Variants in TBCE observed in about 807,000 individuals in gnomAD.
The protein encoded by TBCE is tubulin folding cofactor E, also known as tubulin-specific chaperone E.
A neutral mutation model predicts 77.0 loss-of-function variants in TBCE; 53 were observed. The observed-to-expected ratio is 0.69, with a 90% CI of 0.55 to 0.87. The LOEUF (loss-of-function observed/expected upper bound fraction) is 0.87, where lower values mean the gene tolerates loss of function less well. Among genes scored for constraint, TBCE ranks in the 40% least tolerant of loss-of-function variants. The pLI is 0.00. For synonymous variants in TBCE, 235 were observed against 241.3 expected, an observed-to-expected ratio of 0.97 and a Z score of 0.24; for missense variants, 624 against 622.4, an observed-to-expected ratio of 1.00 and a Z score of -0.03.
rs545901867 is a variant in TBCE, at chr1:235,423,009, T to G, written c.460+3448T>G. Among the ~76,000 whole-genome samples the G allele has an allele frequency of 3.3e-5, 5 of 152,342 alleles. No homozygotes were observed. The East Asian group carries it at 9.6e-4, about 29-fold the overall frequency. The stretch of plus-strand genomic sequence containing the variant: ...TTTCACGAAGATAATCAAGTCATGA[T>G]TGGTATTTGCAGATACAGTGATAAA... On this transcript the variant is annotated intron_variant, in intron 5 of 16. Transcript: ENST00000642610.
rs144210623 is a variant in TBCE, at chr1:235,428,631, C to CTTTATTTATTTATTTATTTATTTA, written c.560+1400_560+1423dup. Among the ~76,000 whole-genome samples, 161 of 147,484 alleles carry CTTTATTTATTTATTTATTTATTTA rather than the reference C, an allele frequency of 1.1e-3. 2 individuals are homozygous for CTTTATTTATTTATTTATTTATTTA. Among genetic ancestry groups the CTTTATTTATTTATTTATTTATTTA allele is most frequent in the Middle Eastern group, 3.4e-3 (1 of 292 alleles). On this transcript the variant is annotated intron_variant, in intron 6 of 16. Coordinates refer to ENST00000642610, the MANE Select transcript of TBCE (RefSeq NM_003193.5). ...AGGACACATTTAATCTTTAAGGACA[C>CTTTATTTATTTATTTATTTATTTA]TTTATTTATTTATTTATTTATTTAT...
chr1:235,438,672 C>T (rs973431371), intron 12 of TBCE, 97 bp from the exon 13 acceptor site: 9 of 1,394,534 alleles, frequency 6.5e-6, no homozygotes, highest in Admixed American at 5.3e-5. Flanking sequence ...TGATTATTTT[C>T]TGCATGTGCT....
intron 7 of TBCE, among the ~76,000 whole-genome samples, chr1:235,432,640 TCTCACC>T (rs1007736507): frequency 2.0e-5 from 3 of 152,054 alleles, no homozygotes; most frequent in African/African-American, 7.2e-5. Context: ...GCAAGACGCA[TCTCACC>T]CTCCAAATAA....
chr1:235,406,669 C>T (rs985310917), intron 3 of TBCE, among the ~76,000 whole-genome samples: 17 of 151,730 alleles, frequency 1.1e-4, no homozygotes, highest in African/African-American at 3.9e-4. Flanking sequence ...GTAGCTGGGA[C>T]TACAGGCGCC....
intron 6 of TBCE, among the ~76,000 whole-genome samples, chr1:235,428,926 C>A (rs1283965557): frequency 6.7e-6 from 1 of 149,170 alleles, no homozygotes; most frequent in Non-Finnish European, 1.5e-5. Flanking sequence ...ACAGTGTGAG[C>A]CACTGTGCCC....
At chr1:235,407,177 A>G (rs1426053086) in intron 3 of TBCE, among the ~76,000 whole-genome samples, 1 of 142,582 alleles carries the variant, frequency 7.0e-6, no homozygotes, top group Non-Finnish European at 1.5e-5. Flanking sequence ...TCTGTCACCC[A>G]GGTAGTAGTA....
chr1:235,370,979 A>G (rs1286268834), intron 1 of TBCE, among the ~76,000 whole-genome samples: 1 of 124,196 alleles, frequency 8.1e-6, no homozygotes, highest in Non-Finnish European at 1.6e-5. Context: ...TGACCTCATG[A>G]TCCGCCCGCC....
chr1:235,401,826 CTTTTTTTTTTTT>C lies in TBCE; in HGVS notation c.185+251_185+262del, dbSNP rs11285286. 2.7e-4 allele frequency among the ~76,000 whole-genome samples: 24 copies of C among 88,594 alleles called. 1 individual carries two copies. In the South Asian group the frequency reaches 8.2e-3, roughly 30 times the overall value. 58.1% of individuals were successfully genotyped at this position (88,594 alleles called of 152,430 possible). A position where few individuals can be genotyped will look rare whatever the true frequency, so the allele number is the denominator to read the frequency against. On this transcript the variant is annotated intron_variant, in intron 3 of 16. Transcript: ENST00000642610. ...TATGCATGGCGTTGCTTTCTTCGTCCTTTTTTTTTTTTTTTTTTTTTTTAACAGTCCTTTAAA... is the reference window on the plus strand; with the variant it reads ...TATGCATGGCGTTGCTTTCTTCGTCCTTTTTTTTTTTAACAGTCCTTTAAA...
At chr1:235,404,453 G>C (rs987699411) in intron 3 of TBCE, among the ~76,000 whole-genome samples, 3 of 152,086 alleles carry the variant, frequency 2.0e-5, no homozygotes, top group African/African-American at 7.2e-5. Context: ...TGGTATGCCT[G>C]CATAGGGCAC....
At chr1:235,370,375 C>T (rs1402034502) in intron 1 of TBCE, among the ~76,000 whole-genome samples, 1 of 151,478 alleles carries the variant, frequency 6.6e-6, no homozygotes, top group East Asian at 2.0e-4. Flanking sequence ...GCCTCAGCCT[C>T]CCAACTAGCT....
chr1:235,372,784 C>T (rs1029240376), intron 1 of TBCE, among the ~76,000 whole-genome samples: 11 of 151,628 alleles, frequency 7.3e-5, no homozygotes, highest in Non-Finnish European at 1.6e-4. Flanking sequence ...ATTAGCCGGG[C>T]GTGGTGGTGG....
chr1:235,411,466 T>C (rs1379568857), intron 3 of TBCE, among the ~76,000 whole-genome samples: 1 of 152,204 alleles, frequency 6.6e-6, no homozygotes, highest in Admixed American at 6.5e-5. Flanking sequence ...TCCTCCTTTC[T>C]GTGGTTCGCC....
rs1682802330 is a variant in TBCE at position 235,450,132 on chromosome 1, T to C, written c.*1370T>C. 7 of 1,560,812 alleles carry C rather than the reference T, an allele frequency of 4.5e-6. No individual in the cohort carries two copies. Among genetic ancestry groups the C allele is most frequent in the Middle Eastern group, 1.8e-4 (1 of 5,466 alleles). On this transcript the variant is annotated 3_prime_UTR_variant, in exon 17 of 17. Transcript: ENST00000642610. ...GACCATACAGTCTACTGCTAAACCC[T>C]GGGACTCCTCAGACTTGCACTCAGA...
chr1:235,370,940 C>T (rs1269620176), intron 1 of TBCE, among the ~76,000 whole-genome samples: 3 of 146,656 alleles, frequency 2.0e-5, no homozygotes, highest in Admixed American at 1.4e-4. Flanking sequence ...TGGGGTTTCA[C>T]CATGTTGGTC....
intron 6 of TBCE, chr1:235,430,449 G>A (rs957482124): frequency 2.4e-5 from 9 of 368,182 alleles, no homozygotes; most frequent in East Asian, 6.4e-5. Context: ...GCCTACAGCC[G>A]CATACAGGTG....
At chr1:235,420,315 GTTC>G (rs1200447453) in intron 5 of TBCE, among the ~76,000 whole-genome samples, 2 of 147,750 alleles carry the variant, frequency 1.4e-5, no homozygotes, top group Non-Finnish European at 3.0e-5. Context: ...TTCTCATGCA[GTTC>G]TTTTTTTTTT....
intron 3 of TBCE, among the ~76,000 whole-genome samples, chr1:235,406,410 G>A (rs1679430828): frequency 6.6e-6 from 1 of 152,188 alleles, no homozygotes; most frequent in Non-Finnish European, 1.5e-5. Context: ...AAAATAAAAT[G>A]TGCAGATGAA....
At chr1:235,370,415 G>C (rs1239526856) in intron 1 of TBCE, among the ~76,000 whole-genome samples, 4 of 151,840 alleles carry the variant, frequency 2.6e-5, no homozygotes, top group Non-Finnish European at 5.9e-5. Flanking sequence ...ACCATGCCTG[G>C]CTAATTTTTG....
At chr1:235,380,550 A>G (rs545004032) in intron 2 of TBCE, among the ~76,000 whole-genome samples, 1 of 152,072 alleles carries the variant, frequency 6.6e-6, no homozygotes, top group African/African-American at 2.4e-5. Context: ...TACACATTAC[A>G]ATTTTTGTTA....
Sources: gnomAD v4.1 joint callset for allele counts (sites outside exome capture counted in the v4.1 genomes callset) on GRCh38, gnomAD v4.1.1 for gene constraint, MANE v1.5 for transcripts, NCBI Gene and HGNC (gene_info 2026-07-23, HGNC 2026-07-21) for gene names.